The following FBXW2 variants were observed in gnomAD, a reference collection of about 807,000 sequenced individuals.
FBXW2 encodes the protein F-box/WD repeat-containing protein 2.
In FBXW2, 12 loss-of-function variants were observed where a neutral mutation model predicts 46.0. The ratio of observed to expected loss-of-function variants is 0.26; its 90% CI spans 0.17 to 0.42. The LOEUF is 0.42. Among genes scored for constraint, FBXW2 ranks in the 10% least tolerant of loss-of-function variants. The pLI, the probability that FBXW2 is intolerant of heterozygous loss-of-function variation, is 1.00. For synonymous variants in FBXW2, 203 were observed against 209.6 expected (o/e 0.97, Z 0.27); for missense variants, 360 against 537.0 (o/e 0.67, Z 3.26).
At chr9:120,782,186 G>A (rs954152474) in intron 3 of FBXW2, among the ~76,000 whole-genome samples, 1 of 151,112 alleles carries the variant, frequency 6.6e-6, no homozygotes, top group Non-Finnish European at 1.5e-5. Context: ...GTAGAATGGT[G>A]GGCCAGGCAT....
intron 5 of FBXW2, among the ~76,000 whole-genome samples, chr9:120,775,172 G>C (rs548064037): frequency 6.6e-6 from 1 of 151,602 alleles, no homozygotes; most frequent in African/African-American, 2.4e-5. Context: ...TAATTCCCCT[G>C]TCTCAGCCTC....
rs953504108 is a variant in FBXW2 at position 120,793,246 on chromosome 9, C to T, written c.-118G>A. 2.0e-6 allele frequency: 1 copy of T among 489,612 alleles called. No individual in the cohort carries two copies. Among genetic ancestry groups the T allele is most frequent in the Admixed American group, 3.9e-5 (1 of 25,620 alleles). The allele number at this position is 489,612 out of a possible 1,614,324, so 30.3% of individuals were successfully genotyped here. ...CCTTGCAGCGGCCGGGTCCGCTCCG[C>T]AGCCATGGCGCCTGCAGGGAAAGAA... On this transcript the variant is annotated 5_prime_UTR_variant, in exon 2 of 8. Coordinates refer to ENST00000608872, the MANE Select transcript of FBXW2 (RefSeq NM_012164.4).
intron 3 of FBXW2, among the ~76,000 whole-genome samples, chr9:120,779,427 G>T (rs1395785372): frequency 6.6e-6 from 1 of 151,912 alleles, no homozygotes; most frequent in Non-Finnish European, 1.5e-5. Flanking sequence ...AATGACTAAA[G>T]CCAGCCACAA....
Position 120,764,313 on chromosome 9 carries a change from C to T in FBXW2, c.*246G>A. 2.0e-6 allele frequency: 1 copy of T among 503,206 alleles called. No homozygotes were observed. The highest frequency in any genetic ancestry group is 4.0e-5 in the South Asian group (1 of 24,716). 31.2% of individuals were successfully genotyped at this position (503,206 alleles called of 1,614,324 possible). A position where few individuals can be genotyped will look rare whatever the true frequency, so the allele number is the denominator to read the frequency against. ...CCAAAATGCATCCTCTAACACTGAC[C>T]AACATAACTAAGTACAAATGAAGTC... On this transcript the variant is annotated 3_prime_UTR_variant, in exon 8 of 8. Transcript: ENST00000608872.
Position 120,788,108 on chromosome 9 carries a change from G to A in FBXW2, c.151C>T (p.Leu51Phe). The part of the protein sequence containing the change: ...LRHLSNNLET[L>F]LKRDFLKLLP... ...AGTTTGAGGAAGTCCCGCTTGAGGAGAGTCTCTAGGTTATTGGAGAGATGC... is the reference window on the plus strand; with the variant it reads ...AGTTTGAGGAAGTCCCGCTTGAGGAAAGTCTCTAGGTTATTGGAGAGATGC... The change falls in exon 3 of 8, where the codon CTC becomes TTC. Residue 51 changes from leucine (L) to phenylalanine (F), a missense_variant. Physicochemically the swap from Leu to Phe is conservative, Grantham distance 22. Transcript: ENST00000608872. 6.2e-7 allele frequency: 1 copy of A among 1,614,186 alleles called. No homozygotes were observed. Among genetic ancestry groups the A allele is most frequent in the Non-Finnish European group, 8.5e-7 (1 of 1,180,034 alleles).
intron 5 of FBXW2, among the ~76,000 whole-genome samples, chr9:120,775,625 A>G (rs1408314548): frequency 1.3e-5 from 2 of 152,144 alleles, no homozygotes; most frequent in South Asian, 2.1e-4. Context: ...AAACATTACA[A>G]TATTTTACTA....
intron 5 of FBXW2, among the ~76,000 whole-genome samples, chr9:120,774,462 T>C (rs981040153): frequency 2.6e-5 from 4 of 151,778 alleles, no homozygotes; most frequent in African/African-American, 9.7e-5. Context: ...CAGAGAGCTA[T>C]GATCATGACA....
At chr9:120,779,873 C>T (rs1382642018) in intron 3 of FBXW2, among the ~76,000 whole-genome samples, 5 of 152,032 alleles carry the variant, frequency 3.3e-5, no homozygotes, top group Admixed American at 6.6e-5. Context: ...AATGTTGGGC[C>T]GGGCGCAGTG....
intron 3 of FBXW2, among the ~76,000 whole-genome samples, chr9:120,780,300 A>G (rs917553660): frequency 2.6e-5 from 4 of 151,568 alleles, no homozygotes; most frequent in African/African-American, 9.7e-5. Context: ...GGTTGTAGTG[A>G]GCCAAGATCA....
At chr9:120,787,591 G>C (rs1308715310) in intron 3 of FBXW2, among the ~76,000 whole-genome samples, 178 bp downstream of exon 3, 1 of 152,102 alleles carries the variant, frequency 6.6e-6, no homozygotes, top group African/African-American at 2.4e-5. Flanking sequence ...AAATGATTGT[G>C]TTCTCTAGAG....
chr9:120,792,798 T>TA, intron 2 of FBXW2: 1 of 1,144,174 alleles, frequency 8.7e-7, no homozygotes, highest in South Asian at 1.3e-5. Flanking sequence ...CGGCACGCTG[T>TA]AAGCCTACAG....
chr9:120,774,692 T>C (rs1477565861), intron 5 of FBXW2, among the ~76,000 whole-genome samples: 2 of 152,236 alleles, frequency 1.3e-5, no homozygotes, highest in African/African-American at 2.4e-5. Context: ...CTGTATCCAC[T>C]TGTGCCCAAC....
chr9:120,793,389 C>A lies in FBXW2; in HGVS notation c.-165G>T. 2.5e-6 allele frequency: 1 copy of A among 400,718 alleles called. No homozygotes were observed. 24.8% of individuals were successfully genotyped at this position (400,718 alleles called of 1,614,324 possible). ...GGCCGCTGCTCCCGGTCCGCAGCCT[C>A]ACAGGGGAGCGGCTTCCGGTGCTGC... On this transcript the variant is annotated 5_prime_UTR_variant, in exon 1 of 8. Transcript: ENST00000608872.
At chr9:120,779,934 C>A (rs1382048620) in intron 3 of FBXW2, among the ~76,000 whole-genome samples, 1 of 152,036 alleles carries the variant, frequency 6.6e-6, no homozygotes, top group African/African-American at 2.4e-5. Flanking sequence ...GGCATATTGC[C>A]TGAGCTCAGG....
Position 120,762,009 on chromosome 9 carries a change from T to C in FBXW2, c.*2550A>G, listed in dbSNP as rs2044203032. ...AAGTGAGGTAGGGTGGGGATGGTCA[T>C]TAGATCAGTAATAGTTATCTGTTCA... On this transcript the variant is annotated 3_prime_UTR_variant, in exon 8 of 8. Coordinates refer to ENST00000608872, the MANE Select transcript of FBXW2 (RefSeq NM_012164.4). 6.6e-6 allele frequency: 1 copy of C among 152,180 alleles called. No individual in the cohort carries two copies. The highest frequency in any genetic ancestry group is 1.5e-5 in the Non-Finnish European group (1 of 68,044). The allele number at this position is 152,180 out of a possible 1,614,324, so 9.4% of individuals were successfully genotyped here. A position where few individuals can be genotyped will look rare whatever the true frequency, so the allele number is the denominator to read the frequency against.
chr9:120,770,200 C>A (rs1210453736), intron 7 of FBXW2, among the ~76,000 whole-genome samples: 1 of 152,072 alleles, frequency 6.6e-6, no homozygotes, highest in African/African-American at 2.4e-5. Flanking sequence ...CACAGTGAAA[C>A]CCCGTCTCTA....
chr9:120,766,429 G>C (rs1007821650), intron 7 of FBXW2, among the ~76,000 whole-genome samples: 2 of 152,060 alleles, frequency 1.3e-5, no homozygotes, highest in African/African-American at 4.8e-5. Flanking sequence ...GCAAGGCACC[G>C]AACTTCATAA....
rs2131321205 is a variant in FBXW2, at chr9:120,775,673, A to C, written c.819+420T>G. On this transcript the variant is annotated intron_variant, in intron 5 of 7. Coordinates refer to ENST00000608872, the MANE Select transcript of FBXW2 (RefSeq NM_012164.4). ...AGTTTTCTTTGTCCTACTTCTTGTA[A>C]GCGTTATTTTTTCAAAATGAAAATT... 2.0e-5 allele frequency among the ~76,000 whole-genome samples: 3 copies of C among 152,332 alleles called. No individual in the cohort carries two copies. The South Asian group carries it at 6.2e-4, about 32-fold the overall frequency.
At chr9:120,766,886 A>C (rs1470442391) in intron 7 of FBXW2, among the ~76,000 whole-genome samples, 1 of 152,216 alleles carries the variant, frequency 6.6e-6, no homozygotes, top group African/African-American at 2.4e-5. Flanking sequence ...ATGTTTTCTG[A>C]GTATCATAGG....
Sources: allele counts gnomAD v4.1 joint callset (sites outside exome capture counted in the v4.1 genomes callset), GRCh38; gene constraint gnomAD v4.1.1; transcripts MANE v1.5; gene names NCBI Gene and HGNC (gene_info 2026-07-23, HGNC 2026-07-21).